Variants in CTBP1 observed in about 807,000 individuals in gnomAD.
CTBP1 encodes the protein C-terminal binding protein 1.
CTBP1 carries 11 observed loss-of-function variants against 42.1 expected under a neutral mutation model. The ratio of observed to expected loss-of-function variants is 0.26; its 90% confidence interval spans 0.16 to 0.43. CTBP1 has a LOEUF of 0.43. Among genes scored for constraint, CTBP1 ranks in the 20% least tolerant of loss-of-function variants. The pLI, the probability that CTBP1 is intolerant of heterozygous loss-of-function variation, is 1.00. For missense variants in CTBP1, 399 were observed against 624.3 expected, an observed-to-expected ratio of 0.64 and a Z score of 3.85; for synonymous variants, 324 against 277.1, an observed-to-expected ratio of 1.17 and a Z score of -1.68.
chr4:1,227,275 G>C (rs1270721255), intron 4 of CTBP1, among the ~76,000 whole-genome samples: 1 of 152,098 alleles, frequency 6.6e-6, no homozygotes, highest in Admixed American at 6.5e-5. Flanking sequence ...TGTGCTGAGT[G>C]CGTGTGCACA....
At chr4:1,234,736 T>C (rs1731309053) in intron 3 of CTBP1, 1 of 152,224 alleles carries the variant, frequency 6.6e-6, no homozygotes, top group African/African-American at 2.4e-5. Context: ...TTAATACAAA[T>C]CCAGCTTCCC....
intron 1 of CTBP1, chr4:1,245,329 A>G (rs951450518): frequency 3.0e-6 from 3 of 985,456 alleles, no homozygotes; most frequent in Non-Finnish European, 3.6e-6. Flanking sequence ...CTGTTTGTTC[A>G]GCGAGCACAT....
rs1226127264 is a variant in CTBP1, at chr4:1,233,751, T to TGACG, written c.162+4428_162+4431dup. On this transcript the variant is annotated intron_variant, in intron 3 of 9. Coordinates refer to ENST00000382952, the MANE Select transcript of CTBP1 (RefSeq NM_001012614.2). This position sits in a 1 kb window ranked among gnomAD's most constrained non-coding sequence, Gnocchi z 4.6. ...CTTCCCGCTCCTCCTGTGACCGCACTGACGGTATCACGTTCTCTCCCTCCA... is the reference window on the plus strand; with the variant it reads ...CTTCCCGCTCCTCCTGTGACCGCACTGACGGACGGTATCACGTTCTCTCCCTCCA... Among the ~76,000 whole-genome samples the TGACG allele has an allele frequency of 1.3e-5, 2 of 152,198 alleles. No individual in the cohort carries two copies. The highest frequency in any genetic ancestry group is 2.9e-5 in the Non-Finnish European group (2 of 68,028).
At chr4:1,249,629 C>G (rs760118229), upstream of CTBP1, 78 of 404,218 alleles carry the variant, frequency 1.9e-4, 1 homozygote, top group South Asian at 1.3e-3. Context: ...CCCATCGCCC[C>G]CACCCGAGCC....
chr4:1,216,233 C>T, intron 5 of CTBP1, 28 bp from the exon 6 acceptor site: 1 of 1,590,018 alleles, frequency 6.3e-7, no homozygotes, highest in Non-Finnish European at 8.6e-7. Flanking sequence ...CAGTGTGAGA[C>T]CCTTGCTCAC....
chr4:1,243,073 A>C, intron 1 of CTBP1: 13 of 985,316 alleles, frequency 1.3e-5, no homozygotes, highest in Non-Finnish European at 1.6e-5. Flanking sequence ...CATTGATACC[A>C]GTCAATACTC....
In CTBP1 at chr4:1,242,500, C is replaced by T. The variant is rs114857702; in HGVS notation, c.-188-981G>A. On this transcript the variant is annotated intron_variant, in intron 1 of 9. Transcript: ENST00000382952. ...TGAGGCCGCCCCTGCGCAGAGGCCT[C>T]GCAGACAAATCTCCAACCCTCAACT... The T allele has an allele frequency of 6.1e-4, 599 of 985,080 alleles. 2 individuals are homozygous for T. In the African/African-American group the frequency reaches 9.8e-3, roughly 16 times the overall value. 61.0% of individuals were successfully genotyped at this position (985,080 alleles called of 1,614,324 possible).
chr4:1,225,438 G>T lies in CTBP1; in HGVS notation c.436C>A (p.Gln146Lys). 6.5e-7 allele frequency: 1 copy of T among 1,549,274 alleles called. No homozygotes were observed. Among genetic ancestry groups the T allele is most frequent in the Non-Finnish European group, 8.7e-7 (1 of 1,150,218 alleles). ...HQALREGTRV[Q>K]SVEQIREVAS... is the part of the protein sequence containing the mutation. ...ACCTCGCGGATCTGCTCGACGCTCTGGACTCGTGTGCCCTCCCGCAGCGCC... is the reference window on the plus strand; with the variant it reads ...ACCTCGCGGATCTGCTCGACGCTCTTGACTCGTGTGCCCTCCCGCAGCGCC... The change falls in exon 5 of 10, where the codon CAG becomes AAG. Residue 146 changes from glutamine to lysine, a missense_variant. Coordinates refer to ENST00000382952, the MANE Select transcript of CTBP1 (RefSeq NM_001012614.2).
At position 1,233,763 on chromosome 4, in the gene CTBP1, G is replaced by A. The variant is rs572385551; in HGVS notation, c.162+4420C>T. ...CCTGTGACCGCACTGACGGTATCAC[G>A]TTCTCTCCCTCCACGGCACTCAGAC... is the stretch of plus-strand genomic sequence containing the variant. On this transcript the variant is annotated intron_variant, in intron 3 of 9. Coordinates refer to ENST00000382952, the MANE Select transcript of CTBP1 (RefSeq NM_001012614.2). The surrounding 1 kb of genome is among the most constrained non-coding windows in gnomAD (Gnocchi z 4.6). 8.5e-5 allele frequency among the ~76,000 whole-genome samples: 13 copies of A among 152,302 alleles called. No individual in the cohort carries two copies. Among genetic ancestry groups the A allele is most frequent in the African/African-American group, 1.7e-4 (7 of 41,558 alleles).
intron 2 of CTBP1, among the ~76,000 whole-genome samples, chr4:1,239,978 G>T (rs1321043406): frequency 6.6e-6 from 1 of 152,268 alleles, no homozygotes; most frequent in Non-Finnish European, 1.5e-5. Flanking sequence ...TGGTGGTGAT[G>T]ACTTCTCATG....
In CTBP1 at chr4:1,238,327, A is replaced by G; in HGVS notation, c.18T>C (p.Pro6=). The change falls in exon 3 of 10, where the codon CCT becomes CCC. Residue 6 remains proline, a synonymous_variant. Transcript: ENST00000382952. The surrounding 1 kb of genome is among the most constrained non-coding windows in gnomAD (Gnocchi z 5.9). ...GGTGCAGGGGCCCGTTCATGATCGG[A>G]GGTCGGACGCCTGCAAGACAGAGGC... MSGVR[P]PIMNGPLHPR... 3 of 1,569,438 alleles carry G rather than the reference A, an allele frequency of 1.9e-6. No homozygotes were observed. The highest frequency in any genetic ancestry group is 2.6e-6 in the Non-Finnish European group (3 of 1,153,890).
In CTBP1 at chr4:1,244,530, C is replaced by T. The variant is rs150289551; in HGVS notation, c.-188-3011G>A. ...CACTGGCCAGCCCTGCTGGGCCAAC[C>T]GGTCCGCTCCCCTCCCTCACGACCT... On this transcript the variant is annotated intron_variant, in intron 1 of 9. Coordinates refer to ENST00000382952, the MANE Select transcript of CTBP1 (RefSeq NM_001012614.2). The T allele has an allele frequency of 1.5e-3, 1,517 of 985,240 alleles. 26 individuals carry two copies. In the African/African-American group the frequency reaches 0.024, roughly 16 times the overall value. The allele number at this position is 985,240 out of a possible 1,614,324, so 61.0% of individuals were successfully genotyped here. A position where few individuals can be genotyped will look rare whatever the true frequency, so the allele number is the denominator to read the frequency against.
At position 1,238,473 on chromosome 4, in the gene CTBP1, G is replaced by T. The variant is rs1731809306; in HGVS notation, c.8-136C>A. The T allele has an allele frequency of 9.3e-7, 1 of 1,075,360 alleles. No homozygotes were observed. The highest frequency in any genetic ancestry group is 1.3e-6 in the Non-Finnish European group (1 of 784,170). 66.6% of individuals were successfully genotyped at this position (1,075,360 alleles called of 1,614,324 possible). On this transcript the variant is annotated intron_variant, in intron 2 of 9. Coordinates refer to ENST00000382952, the MANE Select transcript of CTBP1 (RefSeq NM_001012614.2). This position sits in a 1 kb window ranked among gnomAD's most constrained non-coding sequence, Gnocchi z 5.9. Reference sequence around the variant, plus strand: ...TTCTGGTCTATATGTTGTGATATTTGTAAAAAGTAAATTAAAAATCCACGT... The same window carrying T: ...TTCTGGTCTATATGTTGTGATATTTTTAAAAAGTAAATTAAAAATCCACGT...
rs868358948 is a variant in CTBP1, at chr4:1,228,120, A to T, written c.307+79T>A. 19 of 1,561,516 alleles carry T rather than the reference A, an allele frequency of 1.2e-5. 1 individual carries two copies. In the Middle Eastern group the frequency reaches 3.1e-3, roughly 253 times the overall value. ...TGTGCAACGGGGTCCTCAGTGTGGC[A>T]GTGAAGCCTCCATGGACGAAGCAAG... On this transcript the variant is annotated intron_variant, in intron 4 of 9. Transcript: ENST00000382952.
rs150237721 is a variant in CTBP1 at position 1,221,725 on chromosome 4, C to T, written c.514+3635G>A. 1,231 of 380,040 alleles carry T rather than the reference C, an allele frequency of 3.2e-3. 14 individuals carry two copies. Among genetic ancestry groups the T allele is most frequent in the African/African-American group, 0.023 (1,100 of 47,080 alleles). The allele number at this position is 380,040 out of a possible 1,614,324, so 23.5% of individuals were successfully genotyped here. A position where few individuals can be genotyped will look rare whatever the true frequency, so the allele number is the denominator to read the frequency against. ...GACCCGGGTCCTCGCAGGGTCGTCG[C>T]GGGGCCGCCACGGGAGAAGGGGGCC... On this transcript the variant is annotated intron_variant, in intron 5 of 9. Transcript: ENST00000382952.
chr4:1,247,767 AGG>A (rs3832288), intron 1 of CTBP1, among the ~76,000 whole-genome samples: 1 of 70,838 alleles, frequency 1.4e-5, no homozygotes, highest in African/African-American at 7.3e-5. Context: ...GAGGCCGGGG[AGG>A]GGGGGGGGGC....
In CTBP1 at chr4:1,235,473, C is replaced by T. The variant is rs1316055493; in HGVS notation, c.162+2710G>A. 4 of 152,296 alleles carry T rather than the reference C, an allele frequency of 2.6e-5. No individual in the cohort carries two copies. The highest frequency in any genetic ancestry group is 9.6e-5 in the African/African-American group (4 of 41,470). 9.4% of individuals were successfully genotyped at this position (152,296 alleles called of 1,614,324 possible). A position where few individuals can be genotyped will look rare whatever the true frequency, so the allele number is the denominator to read the frequency against. ...AGTTTCTGCAAGAGCGACCCTTCCT[C>T]ATCTCGCCCTCTCCCGCGTTCTCTC... On this transcript the variant is annotated intron_variant, in intron 3 of 9. Transcript: ENST00000382952. The surrounding 1 kb of genome is among the most constrained non-coding windows in gnomAD (Gnocchi z 4.2).
At chr4:1,225,825 C>T (rs893823930) in intron 4 of CTBP1, among the ~76,000 whole-genome samples, 1 of 152,126 alleles carries the variant, frequency 6.6e-6, no homozygotes, top group Non-Finnish European at 1.5e-5. Context: ...TGTGGTAGGG[C>T]TGGGGTGTGA....
intron 4 of CTBP1, among the ~76,000 whole-genome samples, chr4:1,226,008 C>T (rs963716179): frequency 1.3e-5 from 2 of 152,070 alleles, no homozygotes; most frequent in South Asian, 2.1e-4. Context: ...CGTGGACATC[C>T]GCACATGTCC....
Sources: allele counts gnomAD v4.1 joint callset (sites outside exome capture counted in the v4.1 genomes callset), GRCh38; gene constraint gnomAD v4.1.1; non-coding constraint Gnocchi (gnomAD v3.1); transcripts MANE v1.5; gene names NCBI Gene and HGNC (gene_info 2026-07-23, HGNC 2026-07-21).